Variants in LDLRAD3 observed in about 807,000 individuals in gnomAD.
LDLRAD3 encodes the protein low density lipoprotein receptor class A domain containing 3, also known as low-density lipoprotein receptor class A domain-containing protein 3.
A neutral mutation model predicts 29.4 loss-of-function variants in LDLRAD3; 20 were observed. The ratio of observed to expected loss-of-function variants is 0.68; its 90% CI spans 0.48 to 0.99. The LOEUF is 0.99. Ranked by LOEUF, LDLRAD3 falls within the 50% of genes least tolerant of loss-of-function variation. LDLRAD3 has a pLI of 0.00. For missense variants in LDLRAD3, 420 were observed against 454.3 expected (o/e 0.92, Z 0.69); for synonymous variants, 157 against 192.7 (o/e 0.81, Z 1.53).
At chr11:36,120,286 T>G (rs917963172) in intron 4 of LDLRAD3, among the ~76,000 whole-genome samples, 4 of 152,168 alleles carry the variant, frequency 2.6e-5, no homozygotes, top group African/African-American at 9.7e-5. Flanking sequence ...AGATCTCTTC[T>G]TCACTGAGTG....
intron 4 of LDLRAD3, among the ~76,000 whole-genome samples, chr11:36,118,063 C>T (rs1853699131): frequency 6.6e-6 from 1 of 152,050 alleles, no homozygotes; most frequent in Non-Finnish European, 1.5e-5. Flanking sequence ...TGGTGAGTTC[C>T]ACAGTGTTGG....
intron 3 of LDLRAD3, among the ~76,000 whole-genome samples, chr11:36,092,269 G>C (rs1021268984): frequency 2.0e-5 from 3 of 152,104 alleles, no homozygotes; most frequent in Non-Finnish European, 4.4e-5. Flanking sequence ...ATTCTAGGCT[G>C]TTGTGCTTTT....
chr11:35,951,468 C>T (rs1029298339), intron 1 of LDLRAD3, among the ~76,000 whole-genome samples: 2 of 152,180 alleles, frequency 1.3e-5, no homozygotes, highest in Non-Finnish European at 2.9e-5. Context: ...TTGGCAGTTT[C>T]CCTCACCTTC....
At chr11:36,121,470 C>T (rs1385045274) in intron 4 of LDLRAD3, among the ~76,000 whole-genome samples, 1 of 152,146 alleles carries the variant, frequency 6.6e-6, no homozygotes, top group African/African-American at 2.4e-5. Context: ...TAAGCACGTA[C>T]ACCCAGGGCA....
chr11:35,986,635 T>A (rs1851618158), intron 1 of LDLRAD3, among the ~76,000 whole-genome samples: 1 of 152,206 alleles, frequency 6.6e-6, no homozygotes, highest in Admixed American at 6.5e-5. Flanking sequence ...TGATTGAGAC[T>A]CCACCGTCTG....
At chr11:36,097,158 G>C (rs931087167) in intron 3 of LDLRAD3, among the ~76,000 whole-genome samples, 9 of 152,206 alleles carry the variant, frequency 5.9e-5, no homozygotes, top group Non-Finnish European at 1.3e-4. Context: ...CCTAGAATAG[G>C]AGCCTCATGG....
At chr11:36,164,780 C>T (rs932511821) in intron 4 of LDLRAD3, among the ~76,000 whole-genome samples, 1 of 152,196 alleles carries the variant, frequency 6.6e-6, no homozygotes, top group Non-Finnish European at 1.5e-5. Context: ...AGCAGGCAGC[C>T]CGCCAGATTC....
intron 1 of LDLRAD3, among the ~76,000 whole-genome samples, chr11:36,004,585 G>A (rs1590200418): frequency 6.6e-6 from 1 of 152,292 alleles, no homozygotes; most frequent in East Asian, 1.9e-4. Context: ...TCTACATTCT[G>A]GGGTCTGAAT....
In LDLRAD3 at chr11:36,089,852, T is replaced by A. The variant is rs571198658; in HGVS notation, c.319+8074T>A. Among the ~76,000 whole-genome samples the A allele has an allele frequency of 1.9e-3, 295 of 151,502 alleles. 1 individual carries two copies. The highest frequency in any genetic ancestry group is 6.9e-3 in the African/African-American group (283 of 41,236). ...GTCTCAAACTCCTAGCCCCGAGCTA[T>A]CCTCCCACTTCAGCAACCTGAAGTG... On this transcript the variant is annotated intron_variant, in intron 3 of 5. Coordinates refer to ENST00000315571, the MANE Select transcript of LDLRAD3 (RefSeq NM_174902.4).
At chr11:36,104,311 C>T (rs747883986) in intron 4 of LDLRAD3, among the ~76,000 whole-genome samples, 7 of 152,200 alleles carry the variant, frequency 4.6e-5, no homozygotes, top group East Asian at 1.9e-4. Context: ...CCGGCTGACA[C>T]GCCGACTGTA....
At chr11:36,113,009 A>G (rs1565231658) in intron 4 of LDLRAD3, among the ~76,000 whole-genome samples, 1 of 152,212 alleles carries the variant, frequency 6.6e-6, no homozygotes, top group African/African-American at 2.4e-5. Flanking sequence ...TGGAAGACCT[A>G]CATTGCATAC....
chr11:36,209,900 G>A (rs1339915521), intron 4 of LDLRAD3, among the ~76,000 whole-genome samples: 3 of 152,120 alleles, frequency 2.0e-5, no homozygotes, highest in East Asian at 3.9e-4. Flanking sequence ...TTCCTGGAAG[G>A]CTTCACAAAA....
chr11:36,189,309 A>C (rs1854902838), intron 4 of LDLRAD3, among the ~76,000 whole-genome samples: 1 of 152,116 alleles, frequency 6.6e-6, no homozygotes, highest in Non-Finnish European at 1.5e-5. Context: ...AACATGGTGA[A>C]ACCCCGTCTC....
chr11:35,979,541 A>G (rs561310532), intron 1 of LDLRAD3, among the ~76,000 whole-genome samples: 4 of 152,314 alleles, frequency 2.6e-5, no homozygotes, highest in African/African-American at 9.6e-5. Flanking sequence ...TCCTTGCTAT[A>G]CAGGGTAGTG....
intron 4 of LDLRAD3, among the ~76,000 whole-genome samples, chr11:36,099,108 T>G (rs1853408503): frequency 6.6e-6 from 1 of 152,214 alleles, no homozygotes; most frequent in Non-Finnish European, 1.5e-5. Flanking sequence ...CATGTTTGTT[T>G]ACTGCTTTGT....
chr11:36,096,889 G>T lies in LDLRAD3; in HGVS notation c.320-1438G>T, dbSNP rs200142493. Among the ~76,000 whole-genome samples the T allele has an allele frequency of 3.3e-4, 50 of 152,360 alleles. No homozygotes were observed. In the East Asian group the frequency reaches 9.3e-3, roughly 28 times the overall value. The stretch of plus-strand genomic sequence containing the variant: ...GAGGCTCAGAGAGGTGAAGTAATTT[G>T]CCCAAGATTAATAAGTGGCAGAGCT... On this transcript the variant is annotated intron_variant, in intron 3 of 5. Coordinates refer to ENST00000315571, the MANE Select transcript of LDLRAD3 (RefSeq NM_174902.4).
At chr11:35,951,149 T>C (rs58927179) in intron 1 of LDLRAD3, among the ~76,000 whole-genome samples, 3,344 of 152,224 alleles carry the variant, frequency 0.022, 111 homozygotes, top group African/African-American at 0.074. Context: ...TTCATACAAA[T>C]TAGAAGTAAT....
At chr11:36,094,249 T>A (rs1185081140) in intron 3 of LDLRAD3, among the ~76,000 whole-genome samples, 1 of 152,234 alleles carries the variant, frequency 6.6e-6, no homozygotes, top group Non-Finnish European at 1.5e-5. Flanking sequence ...GATTTTTCAC[T>A]ACAACACAGC....
chr11:36,080,950 C>G (rs1853103619), intron 2 of LDLRAD3, among the ~76,000 whole-genome samples: 1 of 152,138 alleles, frequency 6.6e-6, no homozygotes, highest in Non-Finnish European at 1.5e-5. Context: ...ACCCTCTGTT[C>G]AGCATGTACC....
Sources: gnomAD v4.1 joint callset for allele counts (sites outside exome capture counted in the v4.1 genomes callset) on GRCh38, gnomAD v4.1.1 for gene constraint, MANE v1.5 for transcripts, NCBI Gene and HGNC (gene_info 2026-07-23, HGNC 2026-07-21) for gene names.